The following SMARCAD1 variants were observed in gnomAD, a reference collection of about 807,000 sequenced individuals.
SMARCAD1 encodes SWI/SNF-related matrix-associated actin-dependent regulator of chromatin subfamily A containing DEAD/H box 1.
In SMARCAD1, 25 loss-of-function variants were observed where a neutral mutation model predicts 127.1. That is an observed-to-expected ratio of 0.20 (90% CI 0.14 to 0.27). The LOEUF (loss-of-function observed/expected upper bound fraction) is 0.27. Ranked by LOEUF, SMARCAD1 falls within the 10% of genes least tolerant of loss-of-function variation. The pLI is 1.00. For synonymous variants in SMARCAD1, 400 were observed against 396.9 expected, an observed-to-expected ratio of 1.01 and a Z score of -0.09; for missense variants, 807 against 1,206.0, an observed-to-expected ratio of 0.67 and a Z score of 4.90.
chr4:94,257,155 A>G (rs893611237), intron 9 of SMARCAD1, among the ~76,000 whole-genome samples: 2 of 152,176 alleles, frequency 1.3e-5, no homozygotes, highest in Non-Finnish European at 2.9e-5. Context: ...AGTTTTTTTC[A>G]TGTAATTATT....
At chr4:94,251,082 A>G (rs1269622123) in intron 8 of SMARCAD1, among the ~76,000 whole-genome samples, 1 of 152,204 alleles carries the variant, frequency 6.6e-6, no homozygotes, top group Non-Finnish European at 1.5e-5. Context: ...CTTTCTTAAT[A>G]GTTAAGGCTA....
At chr4:94,232,409 T>G (rs1745977395) in intron 3 of SMARCAD1, among the ~76,000 whole-genome samples, 2 of 152,152 alleles carry the variant, frequency 1.3e-5, no homozygotes, top group African/African-American at 2.4e-5. Flanking sequence ...CCTGAATGCT[T>G]TCATTTTCTC....
At chr4:94,268,804 A>G (rs1752113475) in intron 10 of SMARCAD1, among the ~76,000 whole-genome samples, 1 of 152,210 alleles carries the variant, frequency 6.6e-6, no homozygotes, top group African/African-American at 2.4e-5. Flanking sequence ...TGAAATAATA[A>G]TGTATATTAA....
At chr4:94,213,006 C>CT in intron 2 of SMARCAD1, 1 of 1,132,098 alleles carries the variant, frequency 8.8e-7, no homozygotes, top group South Asian at 1.3e-5. Context: ...ATTATTTCTC[C>CT]TTTTTTTCTT....
At chr4:94,279,166 CTTTT>C in intron 19 of SMARCAD1, 116 bp downstream of exon 19, 1 of 1,313,620 alleles carries the variant, frequency 7.6e-7, no homozygotes, top group African/African-American at 1.5e-5. Context: ...TTAAGAAAAA[CTTTT>C]TTTTTTCAGA....
chr4:94,256,553 G>T (rs1037720174), intron 9 of SMARCAD1, among the ~76,000 whole-genome samples: 9 of 152,072 alleles, frequency 5.9e-5, no homozygotes, highest in Non-Finnish European at 1.3e-4. Context: ...AGTAGAGATG[G>T]AGTTTCACCA....
At chr4:94,279,177 C>A in intron 19 of SMARCAD1, 127 bp downstream of exon 19, 1 of 1,169,214 alleles carries the variant, frequency 8.6e-7, no homozygotes, top group Non-Finnish European at 1.2e-6. Context: ...TTTTTTTTTT[C>A]AGACCAGGTC....
chr4:94,208,176 C>T (rs1257689564), intron 1 of SMARCAD1, 106 bp downstream of exon 1: 1 of 690,668 alleles, frequency 1.4e-6, no homozygotes, highest in Non-Finnish European at 2.6e-6. Context: ...TTAAAAGATA[C>T]CCCCGTCCAC....
intron 5 of SMARCAD1, among the ~76,000 whole-genome samples, chr4:94,240,440 A>G (rs1406966039): frequency 6.6e-6 from 1 of 152,162 alleles, no homozygotes; most frequent in Non-Finnish European, 1.5e-5. Flanking sequence ...CCTACTTTGT[A>G]GGTTTGTGTG....
At chr4:94,252,505 A>T in intron 8 of SMARCAD1, 111 bp from the exon 9 acceptor site, 1 of 653,998 alleles carries the variant, frequency 1.5e-6, no homozygotes, top group Non-Finnish European at 2.4e-6. Flanking sequence ...ATTGTCGTTG[A>T]ATTCTTCTGT....
chr4:94,210,372 C>G (rs1169307296), intron 2 of SMARCAD1, among the ~76,000 whole-genome samples: 1 of 152,140 alleles, frequency 6.6e-6, no homozygotes, highest in Non-Finnish European at 1.5e-5. Context: ...ATCTTGAAAA[C>G]TGAGAAGTTT....
chr4:94,253,060 A>T, intron 9 of SMARCAD1, 53 bp downstream of exon 9: 1 of 1,602,060 alleles, frequency 6.2e-7, no homozygotes, highest in Non-Finnish European at 8.5e-7. Flanking sequence ...TTTAATTCAC[A>T]GTACCGGTTA....
intron 10 of SMARCAD1, among the ~76,000 whole-genome samples, chr4:94,270,217 TACAC>T (rs1199024918): frequency 2.6e-5 from 4 of 152,044 alleles, no homozygotes; most frequent in African/African-American, 9.7e-5. Context: ...ATGCACATAA[TACAC>T]ACATAAATGC....
At chr4:94,276,602 G>GT (rs1753337706) in intron 15 of SMARCAD1, 128 bp downstream of exon 15, 2 of 1,193,166 alleles carry the variant, frequency 1.7e-6, no homozygotes. Flanking sequence ...GTGTTAGCAA[G>GT]TTTTTTCTGT....
At chr4:94,286,608 A>G (rs949925441) in intron 23 of SMARCAD1, among the ~76,000 whole-genome samples, 1 of 151,954 alleles carries the variant, frequency 6.6e-6, no homozygotes, top group African/African-American at 2.4e-5. Context: ...TTTTTCTCCT[A>G]TTCTTTCTCC....
Position 94,291,155 on chromosome 4 carries a change from A to G in SMARCAD1, c.*1621A>G, listed in dbSNP as rs113439733. The G allele has an allele frequency of 4.8e-3, 2,191 of 453,276 alleles. 9 individuals carry two copies. The highest frequency in any genetic ancestry group is 6.6e-3 in the Non-Finnish European group (1,486 of 226,562). 28.1% of individuals were successfully genotyped at this position (453,276 alleles called of 1,614,324 possible). A position where few individuals can be genotyped will look rare whatever the true frequency, so the allele number is the denominator to read the frequency against. ...ATGTTTTCTGTATTAATGTATTTTC[A>G]ATGATAGGCTGTTTCTTTTTTTGTT... On this transcript the variant is annotated 3_prime_UTR_variant, in exon 24 of 24. Coordinates refer to ENST00000354268, the MANE Select transcript of SMARCAD1 (RefSeq NM_020159.5).
chr4:94,214,275 T>A (rs1288150125), intron 2 of SMARCAD1, among the ~76,000 whole-genome samples: 1 of 151,140 alleles, frequency 6.6e-6, no homozygotes, highest in Non-Finnish European at 1.5e-5. Context: ...GTTTTTTTTT[T>A]TTTTTTTGAG....
intron 9 of SMARCAD1, among the ~76,000 whole-genome samples, chr4:94,255,580 T>G (rs189942066): frequency 1.1e-3 from 160 of 152,010 alleles, no homozygotes; most frequent in South Asian, 4.6e-3. Context: ...AAAATGTAAG[T>G]ATAATATACT....
intron 3 of SMARCAD1, among the ~76,000 whole-genome samples, chr4:94,230,395 C>T (rs3103141): frequency 6.6e-6 from 1 of 151,890 alleles, no homozygotes; most frequent in African/African-American, 2.4e-5. Flanking sequence ...CATATCAGTT[C>T]TAGAAATTTT....
Sources: allele counts gnomAD v4.1 joint callset (sites outside exome capture counted in the v4.1 genomes callset), GRCh38; gene constraint gnomAD v4.1.1; transcripts MANE v1.5; gene names NCBI Gene and HGNC (gene_info 2026-07-23, HGNC 2026-07-21).